The following DHX57 variants were observed in gnomAD, a reference collection of about 807,000 sequenced individuals.
DHX57 encodes putative ATP-dependent RNA helicase DHX57.
A neutral mutation model predicts 156.2 loss-of-function variants in DHX57; 105 were observed. That is an observed-to-expected ratio of 0.67 (90% CI 0.57 to 0.79). The LOEUF (loss-of-function observed/expected upper bound fraction) is 0.79, where lower values mean the gene tolerates loss of function less well. DHX57 is among the 30% of genes least tolerant of loss of function. DHX57 has a pLI of 0.00. For missense variants in DHX57, 1,847 were observed against 1,661.9 expected, an observed-to-expected ratio of 1.11 and a Z score of -1.94; for synonymous variants, 704 against 595.6, an observed-to-expected ratio of 1.18 and a Z score of -2.65.
At chr2:38,863,841 T>C (rs1266049846) in intron 2 of DHX57, among the ~76,000 whole-genome samples, 2 of 151,972 alleles carry the variant, frequency 1.3e-5, no homozygotes, top group African/African-American at 4.8e-5. Context: ...GGTGAAATGC[T>C]GTCTCTACTA....
chr2:38,835,657 T>C (rs553327351), intron 13 of DHX57, among the ~76,000 whole-genome samples: 244 of 152,314 alleles, frequency 1.6e-3, no homozygotes, highest in Non-Finnish European at 2.7e-3. Flanking sequence ...TGGAAAGGAC[T>C]GTCAATGCTA....
intron 22 of DHX57, among the ~76,000 whole-genome samples, chr2:38,804,316 C>A (rs897840513): frequency 6.6e-6 from 1 of 152,000 alleles, no homozygotes; most frequent in Non-Finnish European, 1.5e-5. Flanking sequence ...CATGGTGAGA[C>A]CCCGTCTCTA....
Position 38,798,601 on chromosome 2 carries a change from A to T in DHX57, c.4018-159T>A, listed in dbSNP as rs150914045. 1.5e-3 allele frequency among the ~76,000 whole-genome samples: 231 copies of T among 152,364 alleles called. 1 individual carries two copies. The highest frequency in any genetic ancestry group is 2.6e-3 in the Non-Finnish European group (177 of 68,042). On this transcript the variant is annotated intron_variant, in intron 23 of 23. Coordinates refer to ENST00000457308, the MANE Select transcript of DHX57 (RefSeq NM_198963.3). ...CCTAAATACATTTTCATTTTGTAATAGACTAAATGAGGTCCATTGTAAAAA... is the reference window on the plus strand; with the variant it reads ...CCTAAATACATTTTCATTTTGTAATTGACTAAATGAGGTCCATTGTAAAAA...
intron 6 of DHX57, 176 bp from the exon 7 acceptor site, chr2:38,856,637 G>A: frequency 5.5e-6 from 4 of 721,484 alleles, no homozygotes; most frequent in Non-Finnish European, 8.4e-6. Flanking sequence ...CCAAGTAGCT[G>A]GGACTACAGG....
chr2:38,845,025 T>C (rs140831904), intron 11 of DHX57, among the ~76,000 whole-genome samples: 202 of 152,034 alleles, frequency 1.3e-3, no homozygotes, highest in African/African-American at 4.4e-3. Flanking sequence ...AGTGAGACCT[T>C]GTCTCTACTA....
At chr2:38,854,378 T>C (rs1014960723) in intron 8 of DHX57, 200 bp from the exon 9 acceptor site, 4 of 412,074 alleles carry the variant, frequency 9.7e-6, no homozygotes, top group African/African-American at 8.1e-5. Flanking sequence ...AATGTTAAGA[T>C]TTTCATAAAA....
chr2:38,846,904 G>C (rs1170072643), intron 11 of DHX57, 115 bp downstream of exon 11: 2 of 723,506 alleles, frequency 2.8e-6, no homozygotes, highest in African/African-American at 3.6e-5. Context: ...GCCCAAGCTG[G>C]TCTTGAACTG....
chr2:38,812,994 T>TGG (rs1314278710), intron 21 of DHX57, among the ~76,000 whole-genome samples: 1 of 151,670 alleles, frequency 6.6e-6, no homozygotes, highest in African/African-American at 2.4e-5. Flanking sequence ...ATTACAGGCA[T>TGG]GCACCACCAC....
chr2:38,858,826 T>G lies in DHX57; in HGVS notation c.1422A>C (p.Ala474=). ...CCTCATCTGACTCCTCAGATTCTGA[T>G]GCTTTTTCAACTTGAAGGAAATAAA... is the stretch of plus-strand genomic sequence containing the variant. ...VSNQIPEVEK[A]SESEESDEDD... The change falls in exon 6 of 24, where the codon GCA becomes GCC. Residue 474 remains alanine (A), a synonymous_variant. Coordinates refer to ENST00000457308, the MANE Select transcript of DHX57 (RefSeq NM_198963.3). 6.2e-7 allele frequency: 1 copy of G among 1,608,778 alleles called. No homozygotes were observed. The highest frequency in any genetic ancestry group is 1.7e-4 in the Middle Eastern group (1 of 6,048).
At chr2:38,810,989 CT>C in intron 21 of DHX57, 1 of 783,062 alleles carries the variant, frequency 1.3e-6, no homozygotes, top group Non-Finnish European at 2.2e-6. Context: ...ACAGGGACCC[CT>C]TTTTTACTCA....
intron 2 of DHX57, among the ~76,000 whole-genome samples, chr2:38,863,850 T>G (rs1393893215): frequency 6.6e-6 from 1 of 152,020 alleles, no homozygotes; most frequent in East Asian, 1.9e-4. Flanking sequence ...CTGTCTCTAC[T>G]AAAAATACAA....
chr2:38,854,154 A>C lies in DHX57; in HGVS notation c.1930T>G (p.Cys644Gly), dbSNP rs772214060. 6 of 1,613,946 alleles carry C rather than the reference A, an allele frequency of 3.7e-6. No homozygotes were observed. The highest frequency in any genetic ancestry group is 4.2e-6 in the Non-Finnish European group (5 of 1,179,854). ...CTTCTCAGCAGCACTCCCGTGGTGC[A>C]GTATAACAGTCTGGTGGCTGAGGAC... The part of the protein sequence containing the change: ...VKSSATRLLY[C>G]TTGVLLRRLE... The change falls in exon 9 of 24, where the codon TGC (cysteine) becomes GGC (glycine). Residue 644 changes from cysteine to glycine, a missense_variant. Coordinates refer to ENST00000457308, the MANE Select transcript of DHX57 (RefSeq NM_198963.3).
In DHX57 at chr2:38,847,951, C is replaced by T. The variant is rs565311987; in HGVS notation, c.2164+318G>A. 4.0e-5 allele frequency among the ~76,000 whole-genome samples: 6 copies of T among 151,852 alleles called. No individual in the cohort carries two copies. In the South Asian group the frequency reaches 6.3e-4, roughly 16 times the overall value. On this transcript the variant is annotated intron_variant, in intron 10 of 23. Coordinates refer to ENST00000457308, the MANE Select transcript of DHX57 (RefSeq NM_198963.3). Reference sequence around the variant, plus strand: ...ACAAAAAATTAGCTGGGTGAGGTGGCGGGCACCTGTAGTCCCAGCTACTCG... The same window carrying T: ...ACAAAAAATTAGCTGGGTGAGGTGGTGGGCACCTGTAGTCCCAGCTACTCG...
At chr2:38,862,432 C>T in intron 3 of DHX57, 99 bp from the exon 4 acceptor site, 1 of 1,180,128 alleles carries the variant, frequency 8.5e-7, no homozygotes, top group Non-Finnish European at 1.1e-6. Context: ...AGGATCCTGA[C>T]TACTCTTCAG....
At chr2:38,859,718 G>A (rs1318166074) in intron 5 of DHX57, among the ~76,000 whole-genome samples, 1 of 151,522 alleles carries the variant, frequency 6.6e-6, no homozygotes, top group Non-Finnish European at 1.5e-5. Context: ...CAGTGTCACT[G>A]TTCTCTACTC....
chr2:38,860,759 C>A (rs1673150383), intron 5 of DHX57, among the ~76,000 whole-genome samples: 4 of 152,200 alleles, frequency 2.6e-5, no homozygotes. Flanking sequence ...TATAGTTAAA[C>A]ATACGTCACT....
At chr2:38,833,720 G>C (rs1461104464) in intron 13 of DHX57, among the ~76,000 whole-genome samples, 1 of 151,912 alleles carries the variant, frequency 6.6e-6, no homozygotes, top group Non-Finnish European at 1.5e-5. Flanking sequence ...AACAACATAG[G>C]TTTGCACTGC....
intron 21 of DHX57, 89 bp from the exon 22 acceptor site, chr2:38,806,782 T>G (rs1669960584): frequency 7.8e-7 from 1 of 1,287,696 alleles, no homozygotes; most frequent in African/African-American, 1.5e-5. Context: ...AAACCAGTCT[T>G]GCTCAGTCTT....
chr2:38,822,448 T>C (rs1254665310), intron 17 of DHX57, among the ~76,000 whole-genome samples: 2 of 151,890 alleles, frequency 1.3e-5, no homozygotes, highest in Non-Finnish European at 2.9e-5. Flanking sequence ...CAGGCTGGAA[T>C]GTGGTGGCGC....
Sources: gnomAD v4.1 joint callset for allele counts (sites outside exome capture counted in the v4.1 genomes callset) on GRCh38, gnomAD v4.1.1 for gene constraint, MANE v1.5 for transcripts, NCBI Gene and HGNC (gene_info 2026-07-23, HGNC 2026-07-21) for gene names.